Variants in TRIM44 observed in about 807,000 individuals in gnomAD.
TRIM44 encodes the protein tripartite motif-containing protein 44.
A neutral mutation model predicts 37.4 loss-of-function variants in TRIM44; 13 were observed. That is an observed-to-expected ratio of 0.35 (90% CI 0.23 to 0.55). TRIM44 has a LOEUF of 0.55. TRIM44 is among the 20% of genes least tolerant of loss of function. The pLI is 0.89. For synonymous variants in TRIM44, 175 were observed against 157.2 expected (o/e 1.11, Z -0.85); for missense variants, 426 against 437.2 (o/e 0.97, Z 0.23).
At chr11:35,678,921 T>C (rs547007071) in intron 1 of TRIM44, among the ~76,000 whole-genome samples, 193 of 152,082 alleles carry the variant, frequency 1.3e-3, no homozygotes, top group Admixed American at 4.3e-3. Context: ...CTGTATTCCA[T>C]CTTCTGATCC....
At chr11:35,663,896 C>A (rs1851305457) in intron 1 of TRIM44, 116 bp downstream of exon 1, 1 of 1,296,084 alleles carries the variant, frequency 7.7e-7, no homozygotes. Context: ...GCTAGTCTTT[C>A]CAACTTTTTG....
intron 2 of TRIM44, among the ~76,000 whole-genome samples, chr11:35,695,069 T>C (rs1851679942): frequency 6.6e-6 from 1 of 152,186 alleles, no homozygotes; most frequent in Admixed American, 6.6e-5. Flanking sequence ...CAGATGTACC[T>C]GAAGCTTTGA....
chr11:35,738,927 C>T (rs1255745778), intron 4 of TRIM44, among the ~76,000 whole-genome samples: 1 of 152,184 alleles, frequency 6.6e-6, no homozygotes, highest in Non-Finnish European at 1.5e-5. Flanking sequence ...AATTAGATTC[C>T]AACCAGTCTC....
In TRIM44 at chr11:35,815,173, A is replaced by G. The variant is rs769470629; in HGVS notation, c.*8788A>G. On this transcript the variant is annotated 3_prime_UTR_variant, in exon 5 of 5. Transcript: ENST00000299413. ...GGTTAGCTACTTTCCCTGGCTCTTA[A>G]AAACATTTGAGTCCAAGTATGGTTC... 2.6e-5 allele frequency: 4 copies of G among 152,192 alleles called. No homozygotes were observed. The highest frequency in any genetic ancestry group is 5.9e-5 in the Non-Finnish European group (4 of 68,026). 9.4% of individuals were successfully genotyped at this position (152,192 alleles called of 1,614,324 possible). A position where few individuals can be genotyped will look rare whatever the true frequency, so the allele number is the denominator to read the frequency against.
chr11:35,811,409 A>T lies in TRIM44; in HGVS notation c.*5024A>T, dbSNP rs1000802128. 6.6e-6 allele frequency: 1 copy of T among 151,972 alleles called. No homozygotes were observed. Among genetic ancestry groups the T allele is most frequent in the Non-Finnish European group, 1.5e-5 (1 of 68,040 alleles). 9.4% of individuals were successfully genotyped at this position (151,972 alleles called of 1,614,324 possible). ...TTTGGATGAACTAGAAGGAAGGTAA[A>T]ATTGTAATTTTTGCCATATTTTCTA... is the stretch of plus-strand genomic sequence containing the variant. On this transcript the variant is annotated 3_prime_UTR_variant, in exon 5 of 5. Transcript: ENST00000299413.
intron 1 of TRIM44, among the ~76,000 whole-genome samples, chr11:35,665,187 G>A (rs1214510383): frequency 6.6e-6 from 1 of 151,732 alleles, no homozygotes; most frequent in Non-Finnish European, 1.5e-5. Context: ...CAATGTCAGT[G>A]TAAATATTCT....
chr11:35,705,750 C>G (rs1025739384), intron 2 of TRIM44, among the ~76,000 whole-genome samples: 10 of 146,938 alleles, frequency 6.8e-5, no homozygotes, highest in Admixed American at 3.4e-4. Flanking sequence ...ATCTCTGGGA[C>G]ACATTCAAAG....
chr11:35,744,876 C>G (rs1852467017), intron 4 of TRIM44, among the ~76,000 whole-genome samples: 1 of 152,172 alleles, frequency 6.6e-6, no homozygotes. Flanking sequence ...CAACTCCATC[C>G]ATGCCCCTGA....
intron 4 of TRIM44, among the ~76,000 whole-genome samples, chr11:35,754,839 C>A (rs375636891): frequency 1.3e-5 from 2 of 152,026 alleles, no homozygotes; most frequent in Non-Finnish European, 2.9e-5. Flanking sequence ...TGAACTCATC[C>A]TTTTTTATGG....
At chr11:35,687,287 G>A (rs546099891) in intron 2 of TRIM44, among the ~76,000 whole-genome samples, 2 of 152,280 alleles carry the variant, frequency 1.3e-5, no homozygotes, top group South Asian at 4.2e-4. Context: ...TCTTCATATG[G>A]CAATGAAAAT....
At chr11:35,718,379 C>T (rs531174589) in intron 2 of TRIM44, among the ~76,000 whole-genome samples, 2 of 151,886 alleles carry the variant, frequency 1.3e-5, no homozygotes, top group Admixed American at 6.6e-5. Flanking sequence ...CAGTTTTTGC[C>T]AGTGAAATGG....
chr11:35,738,210 C>T (rs1852349444), intron 4 of TRIM44, among the ~76,000 whole-genome samples: 1 of 152,230 alleles, frequency 6.6e-6, no homozygotes, highest in Admixed American at 6.5e-5. Flanking sequence ...TTTATAGCCA[C>T]ATGCCAGAGT....
At chr11:35,689,998 G>T (rs956126164) in intron 2 of TRIM44, among the ~76,000 whole-genome samples, 4 of 152,178 alleles carry the variant, frequency 2.6e-5, no homozygotes, top group African/African-American at 7.2e-5. Context: ...ACAGTTGTGT[G>T]TCTTGAATTC....
chr11:35,668,100 T>C (rs1851351646), intron 1 of TRIM44, among the ~76,000 whole-genome samples: 1 of 152,216 alleles, frequency 6.6e-6, no homozygotes, highest in South Asian at 2.1e-4. Flanking sequence ...CATCTATTCC[T>C]GGAGAGAGTG....
chr11:35,798,107 C>T (rs1271716547), intron 4 of TRIM44, among the ~76,000 whole-genome samples: 1 of 152,086 alleles, frequency 6.6e-6, no homozygotes, highest in Non-Finnish European at 1.5e-5. Flanking sequence ...TCCAGAAAGG[C>T]AGGACAACTT....
chr11:35,707,444 C>G (rs868507608), intron 2 of TRIM44, among the ~76,000 whole-genome samples: 16 of 152,036 alleles, frequency 1.1e-4, no homozygotes, highest in African/African-American at 2.4e-4. Context: ...AAAAAAGAGC[C>G]CGCATCACCA....
At chr11:35,801,775 C>T (rs1306301622) in intron 4 of TRIM44, among the ~76,000 whole-genome samples, 1 of 152,088 alleles carries the variant, frequency 6.6e-6, no homozygotes, top group Non-Finnish European at 1.5e-5. Context: ...ATTCTGTCAC[C>T]CCATCCCCTA....
chr11:35,689,452 A>T (rs1014810848), intron 2 of TRIM44, among the ~76,000 whole-genome samples: 1 of 152,232 alleles, frequency 6.6e-6, no homozygotes, highest in African/African-American at 2.4e-5. Context: ...CAAAACGATT[A>T]GTAGGAAATG....
At chr11:35,746,277 G>A (rs953815877) in intron 4 of TRIM44, among the ~76,000 whole-genome samples, 7 of 152,074 alleles carry the variant, frequency 4.6e-5, no homozygotes, top group African/African-American at 1.7e-4. Context: ...TGATGTCCTT[G>A]GTTATGCCTC....
Sources: gnomAD v4.1 joint callset for allele counts (sites outside exome capture counted in the v4.1 genomes callset) on GRCh38, gnomAD v4.1.1 for gene constraint, MANE v1.5 for transcripts, NCBI Gene and HGNC (gene_info 2026-07-23, HGNC 2026-07-21) for gene names.